RPTOR: variants seen among roughly 807,000 people sequenced by gnomAD.
RPTOR encodes regulatory associated protein of MTOR complex 1, also known as regulatory-associated protein of mTOR.
A neutral mutation model predicts 169.9 loss-of-function variants in RPTOR; 21 were observed. The ratio of observed to expected loss-of-function variants is 0.12; its 90% confidence interval spans 0.09 to 0.18. The LOEUF (loss-of-function observed/expected upper bound fraction) is 0.18, where lower values mean the gene tolerates loss of function less well. Among genes scored for constraint, RPTOR ranks in the 10% least tolerant of loss-of-function variants. The pLI is 1.00. For missense variants in RPTOR, 1,133 were observed against 1,855.9 expected, an observed-to-expected ratio of 0.61 and a Z score of 7.16; for synonymous variants, 732 against 753.2, an observed-to-expected ratio of 0.97 and a Z score of 0.46.
rs570239657 is a variant in RPTOR, at chr17:80,942,580, C to T, written c.3025+1979C>T. Reference sequence around the variant, plus strand: ...GGAGTCACTGAGGAGTGAGGCCGCGCCCTCCTCCCAGTCCTCTGTCCTCGG... The same window carrying T: ...GGAGTCACTGAGGAGTGAGGCCGCGTCCTCCTCCCAGTCCTCTGTCCTCGG... On this transcript the variant is annotated intron_variant, in intron 25 of 33. Coordinates refer to ENST00000306801, the MANE Select transcript of RPTOR (RefSeq NM_020761.3). 8.5e-5 allele frequency among the ~76,000 whole-genome samples: 13 copies of T among 152,124 alleles called. No individual in the cohort carries two copies. In the South Asian group the frequency reaches 2.7e-3, roughly 32 times the overall value.
chr17:80,647,295 G>A (rs2065603764), intron 3 of RPTOR, among the ~76,000 whole-genome samples: 1 of 152,154 alleles, frequency 6.6e-6, no homozygotes, highest in Admixed American at 6.5e-5. Flanking sequence ...TTGTTTCAGT[G>A]GAAAATTCTG....
intron 1 of RPTOR, among the ~76,000 whole-genome samples, chr17:80,622,669 G>A (rs1422109291): frequency 6.6e-6 from 1 of 152,172 alleles, no homozygotes; most frequent in African/African-American, 2.4e-5. Flanking sequence ...GGGAGGCCCT[G>A]GGCTGGTGGA....
At chr17:80,948,456 G>C (rs1003617759) in intron 27 of RPTOR, 1 of 152,572 alleles carries the variant, frequency 6.6e-6, no homozygotes, top group Non-Finnish European at 1.5e-5. Flanking sequence ...GACCAGCCAG[G>C]CTCAGCCAGC....
intron 14 of RPTOR, among the ~76,000 whole-genome samples, chr17:80,880,810 C>G (rs948564656): frequency 2.3e-4 from 35 of 152,148 alleles, no homozygotes; most frequent in African/African-American, 8.0e-4. Flanking sequence ...CCCTGCTGTC[C>G]GCCGCGTTAG....
rs142867374 is a variant in RPTOR at position 80,739,233 on chromosome 17, G to A, written c.654+8527G>A. Among the ~76,000 whole-genome samples the A allele has an allele frequency of 2.4e-3, 179 of 75,468 alleles. 1 individual carries two copies. The highest frequency in any genetic ancestry group is 4.0e-3 in the East Asian group (12 of 3,002). The allele number at this position is 75,468 out of a possible 152,430, so 49.5% of individuals were successfully genotyped here. A position where few individuals can be genotyped will look rare whatever the true frequency, so the allele number is the denominator to read the frequency against. On this transcript the variant is annotated intron_variant, in intron 5 of 33. Transcript: ENST00000306801. ...AAGGATCCTGGTGGCACAGGGCAGT[G>A]GAGTTTCTGGCTGAAGGTGGAGCCT...
intron 4 of RPTOR, among the ~76,000 whole-genome samples, chr17:80,725,634 G>A (rs2066325904): frequency 6.6e-6 from 1 of 152,186 alleles, no homozygotes; most frequent in South Asian, 2.1e-4. Context: ...CTGCAGCCGG[G>A]GCTGTGAGGC....
intron 16 of RPTOR, among the ~76,000 whole-genome samples, chr17:80,884,315 CA>C (rs1036927106): frequency 5.9e-5 from 9 of 152,232 alleles, no homozygotes; most frequent in Non-Finnish European, 1.0e-4. Context: ...ACTTTACGGG[CA>C]AGGAGTCAGG....
At chr17:80,933,011 G>T (rs2068916271) in intron 24 of RPTOR, among the ~76,000 whole-genome samples, 1 of 152,210 alleles carries the variant, frequency 6.6e-6, no homozygotes, top group Non-Finnish European at 1.5e-5. Flanking sequence ...TTAAAGTGCT[G>T]AAAGAAACTG....
intron 20 of RPTOR, among the ~76,000 whole-genome samples, chr17:80,903,477 A>G (rs2068502504): frequency 6.6e-6 from 1 of 152,326 alleles, no homozygotes; most frequent in Non-Finnish European, 1.5e-5. Context: ...AGCCGCACAC[A>G]TTGCGGCCGG....
chr17:80,853,811 T>C (rs1363413295), intron 11 of RPTOR, among the ~76,000 whole-genome samples: 3 of 152,166 alleles, frequency 2.0e-5, no homozygotes, highest in Non-Finnish European at 4.4e-5. Flanking sequence ...ACCCCGTCTC[T>C]ACTAAAAATA....
Position 80,960,507 on chromosome 17 carries a change from G to C in RPTOR, c.3605+302G>C, listed in dbSNP as rs1194167763. Among the ~76,000 whole-genome samples the C allele has an allele frequency of 6.6e-6, 1 of 152,212 alleles. No homozygotes were observed. The highest frequency in any genetic ancestry group is 2.4e-5 in the African/African-American group (1 of 41,458). On this transcript the variant is annotated intron_variant, in intron 30 of 33. Transcript: ENST00000306801. This position sits in a 1 kb window ranked among gnomAD's most constrained non-coding sequence, Gnocchi z 4.8. ...CTGGAGGCAGAGGCTGTCGGGGTGA[G>C]GCAGGGCCGCAGCCAGGCACCTGCC...
chr17:80,911,647 C>T (rs924727898), intron 21 of RPTOR, among the ~76,000 whole-genome samples: 4 of 151,944 alleles, frequency 2.6e-5, no homozygotes, highest in African/African-American at 4.8e-5. Context: ...TAGCCGGGCA[C>T]GGTGGCAAGC....
chr17:80,564,329 T>G (rs2084546792), intron 1 of RPTOR, among the ~76,000 whole-genome samples: 1 of 152,192 alleles, frequency 6.6e-6, no homozygotes, highest in Admixed American at 6.6e-5. Context: ...CCCAAAGTGC[T>G]GGGACCACAG....
chr17:80,583,182 G>GTTTTTCTTTTTTTTTT (rs2065030026), intron 1 of RPTOR, among the ~76,000 whole-genome samples: 1 of 79,270 alleles, frequency 1.3e-5, no homozygotes, highest in Non-Finnish European at 2.4e-5. Context: ...CCTCTTTCCT[G>GTTTTTCTTTTTTTTTT]TTTTTTTTTT....
intron 6 of RPTOR, among the ~76,000 whole-genome samples, chr17:80,778,892 G>T (rs918481038): frequency 6.6e-6 from 1 of 152,368 alleles, no homozygotes; most frequent in Non-Finnish European, 1.5e-5. Context: ...CTCATGTGCG[G>T]TGTCTGGCCG....
chr17:80,921,542 C>T (rs150376714), intron 21 of RPTOR, among the ~76,000 whole-genome samples: 4 of 152,354 alleles, frequency 2.6e-5, no homozygotes, highest in African/African-American at 7.2e-5. Flanking sequence ...TGCTCACTAA[C>T]GCCGACAGCT....
At chr17:80,834,585 A>G (rs1268227414) in intron 9 of RPTOR, among the ~76,000 whole-genome samples, 1 of 152,124 alleles carries the variant, frequency 6.6e-6, no homozygotes, top group East Asian at 1.9e-4. Flanking sequence ...GTGGGCCCCC[A>G]GCCTTTTAGG....
chr17:80,891,151 G>T (rs913325609), intron 17 of RPTOR, among the ~76,000 whole-genome samples: 1 of 152,182 alleles, frequency 6.6e-6, no homozygotes, highest in South Asian at 2.1e-4. Flanking sequence ...CTGTTCCCTT[G>T]GACCAAGGCA....
intron 3 of RPTOR, among the ~76,000 whole-genome samples, chr17:80,661,509 T>C (rs1370371307): frequency 2.6e-5 from 4 of 152,136 alleles, no homozygotes; most frequent in African/African-American, 9.7e-5. Context: ...GGGGGTGATA[T>C]GAGCTTGTAG....
Sources: gnomAD v4.1 joint callset for allele counts (sites outside exome capture counted in the v4.1 genomes callset) on GRCh38, gnomAD v4.1.1 for gene constraint, Gnocchi (gnomAD v3.1) non-coding constraint, MANE v1.5 for transcripts, NCBI Gene and HGNC (gene_info 2026-07-23, HGNC 2026-07-21) for gene names.